The following RPAP2 variants were observed in gnomAD, a reference collection of about 807,000 sequenced individuals.
RPAP2 encodes RNA polymerase II associated protein 2.
A neutral mutation model predicts 73.1 loss-of-function variants in RPAP2; 52 were observed. The observed-to-expected ratio is 0.71, with a 90% confidence interval of 0.57 to 0.90. The LOEUF is 0.90. Among genes scored for constraint, RPAP2 ranks in the 40% least tolerant of loss-of-function variants. The pLI, the probability that RPAP2 is intolerant of heterozygous loss-of-function variation, is 0.00. For synonymous variants in RPAP2, 225 were observed against 242.1 expected (o/e 0.93, Z 0.65); for missense variants, 598 against 701.8 (o/e 0.85, Z 1.67).
rs1490777895 is a variant in RPAP2 at position 92,397,669 on chromosome 1, A to G, written c.*10658A>G. ...ACTGAAGCAGAATTCAGTTCAAAGTACTGTGCTGGATTTTGGTTTCTAAAT... is the reference window on the plus strand; with the variant it reads ...ACTGAAGCAGAATTCAGTTCAAAGTGCTGTGCTGGATTTTGGTTTCTAAAT... On this transcript the variant is annotated 3_prime_UTR_variant, in exon 13 of 13. Transcript: ENST00000610020. The G allele has an allele frequency of 6.6e-6, 1 of 152,264 alleles. No individual in the cohort carries two copies. The highest frequency in any genetic ancestry group is 1.5e-5 in the Non-Finnish European group (1 of 68,060). The allele number at this position is 152,264 out of a possible 1,614,324, so 9.4% of individuals were successfully genotyped here.
chr1:92,386,757 A>G (rs1299909304), intron 12 of RPAP2, among the ~76,000 whole-genome samples: 1 of 151,970 alleles, frequency 6.6e-6, no homozygotes, highest in African/African-American at 2.4e-5. Flanking sequence ...CTGGAGTGCA[A>G]TGGTGCAATC....
chr1:92,300,420 C>A (rs531498486), intron 2 of RPAP2, among the ~76,000 whole-genome samples, 181 bp downstream of exon 2: 2 of 152,148 alleles, frequency 1.3e-5, no homozygotes, highest in Middle Eastern at 3.4e-3. Context: ...CTACTCCAGG[C>A]TTTAAGAAAA....
intron 5 of RPAP2, among the ~76,000 whole-genome samples, chr1:92,306,572 A>G (rs1320555229): frequency 6.6e-6 from 1 of 152,200 alleles, no homozygotes; most frequent in East Asian, 1.9e-4. Context: ...ATTTTAAACA[A>G]AAGAAGTGGC....
intron 8 of RPAP2, among the ~76,000 whole-genome samples, chr1:92,329,305 A>G (rs1002209774): frequency 6.6e-6 from 1 of 152,074 alleles, no homozygotes; most frequent in African/African-American, 2.4e-5. Context: ...TCCCAGGCCA[A>G]TGGAGTTATG....
At chr1:92,308,406 TTAA>T (rs1250769189) in intron 6 of RPAP2, among the ~76,000 whole-genome samples, 3 of 152,234 alleles carry the variant, frequency 2.0e-5, no homozygotes, top group African/African-American at 7.2e-5. Flanking sequence ...TTCTCCTTTC[TTAA>T]TATTTCTGTC....
intron 12 of RPAP2, among the ~76,000 whole-genome samples, chr1:92,385,799 T>C (rs1335634215): frequency 1.3e-5 from 2 of 152,242 alleles, no homozygotes; most frequent in Admixed American, 6.5e-5. Flanking sequence ...ACATTTTTTA[T>C]GTCACAGTTT....
chr1:92,365,077 C>T (rs906192611), intron 11 of RPAP2, among the ~76,000 whole-genome samples: 1 of 152,178 alleles, frequency 6.6e-6, no homozygotes, highest in Non-Finnish European at 1.5e-5. Context: ...CTTTTCATAT[C>T]TGCCTATTCT....
At chr1:92,327,683 T>C (rs1236711311) in intron 8 of RPAP2, among the ~76,000 whole-genome samples, 2 of 152,140 alleles carry the variant, frequency 1.3e-5, no homozygotes, top group Non-Finnish European at 2.9e-5. Flanking sequence ...GAGGTACTAT[T>C]CTATTCATCG....
rs537965348 is a variant in RPAP2, at chr1:92,401,634, C to T, written c.*14623C>T. On this transcript the variant is annotated 3_prime_UTR_variant, in exon 13 of 13. Transcript: ENST00000610020. ...TTTAGAGGGAAAGTACTCAGTCTTT[C>T]GCCATTAAGTACAATGTCAGCTGTA... The T allele has an allele frequency of 5.3e-5, 8 of 152,316 alleles. No homozygotes were observed. The highest frequency in any genetic ancestry group is 1.7e-4 in the African/African-American group (7 of 41,568). The allele number at this position is 152,316 out of a possible 1,614,324, so 9.4% of individuals were successfully genotyped here. A position where few individuals can be genotyped will look rare whatever the true frequency, so the allele number is the denominator to read the frequency against.
At chr1:92,316,392 T>C (rs968546436) in intron 6 of RPAP2, among the ~76,000 whole-genome samples, 2 of 152,172 alleles carry the variant, frequency 1.3e-5, no homozygotes, top group African/African-American at 4.8e-5. Context: ...TTTGAAAAGT[T>C]CTCACCATAC....
chr1:92,342,391 A>G (rs932300943), intron 10 of RPAP2, among the ~76,000 whole-genome samples: 2 of 152,216 alleles, frequency 1.3e-5, no homozygotes, highest in African/African-American at 4.8e-5. Context: ...AGGCAAGAGT[A>G]GAGAGATATG....
chr1:92,373,281 CAAGCCTCTAAAG>C (rs1655228036), intron 11 of RPAP2, among the ~76,000 whole-genome samples: 1 of 152,106 alleles, frequency 6.6e-6, no homozygotes, highest in South Asian at 2.1e-4. Context: ...TATCCCCAAG[CAAGCCTCTAAAG>C]AAGCCTCTAA....
chr1:92,321,445 G>A (rs1652253908), intron 7 of RPAP2, among the ~76,000 whole-genome samples: 1 of 151,702 alleles, frequency 6.6e-6, no homozygotes, highest in African/African-American at 2.4e-5. Flanking sequence ...TCCCATCCAT[G>A]ACCTTGCTTT....
chr1:92,299,080 G>A lies in RPAP2; in HGVS notation c.7G>A (p.Asp3Asn), dbSNP rs1241810738. MA[D>N]FAGPSSAGRK... ...CGGCAGACTACTCTCCCCCATGGCG[G>A]ACTTCGCTGGGCCGTCTTCTGCCGG... The change falls in exon 1 of 13, where the codon GAC becomes AAC. Residue 3 changes from aspartate to asparagine, a missense_variant. By Grantham distance (23) the Asp-to-Asn change is conservative (BLOSUM62 1). This residue lies in a region of RPAP2 where 77 missense variants were observed against 55.7 expected (regional missense o/e 1.38). Transcript: ENST00000610020. 26 of 1,508,448 alleles carry A rather than the reference G, an allele frequency of 1.7e-5. No individual in the cohort carries two copies. Among genetic ancestry groups the A allele is most frequent in the Non-Finnish European group, 2.3e-5 (26 of 1,124,106 alleles). The allele number at this position is 1,508,448 out of a possible 1,614,324, so 93.4% of individuals were successfully genotyped here.
At chr1:92,340,666 T>C (rs1430654748) in intron 10 of RPAP2, among the ~76,000 whole-genome samples, 1 of 152,210 alleles carries the variant, frequency 6.6e-6, no homozygotes, top group Non-Finnish European at 1.5e-5. Context: ...TAGATAATTC[T>C]AATAGGTAGC....
chr1:92,381,212 C>A (rs575203534), intron 12 of RPAP2, among the ~76,000 whole-genome samples: 1 of 152,300 alleles, frequency 6.6e-6, no homozygotes, highest in South Asian at 2.1e-4. Flanking sequence ...CAGTTTACTT[C>A]AACTCGGCTA....
rs1656127151 is a variant in RPAP2, at chr1:92,394,275, A to G, written c.*7264A>G. 1.3e-5 allele frequency: 2 copies of G among 152,124 alleles called. No homozygotes were observed. The highest frequency in any genetic ancestry group is 4.8e-5 in the African/African-American group (2 of 41,418). 9.4% of individuals were successfully genotyped at this position (152,124 alleles called of 1,614,324 possible). ...CTCACTCATAAGTGGGAGTTAAACA[A>G]TGAGAACACATGGACACAGGGAGGG... On this transcript the variant is annotated 3_prime_UTR_variant, in exon 13 of 13. Transcript: ENST00000610020.
In RPAP2 at chr1:92,333,393, T is replaced by G. The variant is rs150942955; in HGVS notation, c.1458T>G (p.His486Gln). Residue 486 changes from histidine (H) to glutamine (Q), a missense_variant and splice_region_variant, in exon 9 of 13, where the codon CAT (histidine) becomes CAG (glutamine). Around this residue, in one of 3 missense-constraint regions of RPAP2, gnomAD observed 506 missense variants for 612.8 expected, o/e 0.83. Coordinates refer to ENST00000610020, the MANE Select transcript of RPAP2 (RefSeq NM_024813.3). ...CTTTGTTTAAAAATGTGATTCAGCA[T>G]GATTCCACCTTTCCACTGATAGACT... The part of the protein sequence containing the change: ...ETTKSQDSEE[H>Q]DSTFPLIDSS... The G allele has an allele frequency of 1.4e-5, 23 of 1,611,788 alleles. No homozygotes were observed. The African/African-American group carries it at 2.7e-4, about 19-fold the overall frequency.
intron 11 of RPAP2, among the ~76,000 whole-genome samples, chr1:92,365,618 T>C (rs563508987): frequency 6.6e-6 from 1 of 152,310 alleles, no homozygotes; most frequent in African/African-American, 2.4e-5. Flanking sequence ...TACTTAACCT[T>C]TTTTCTAAAA....
Sources: gnomAD v4.1 joint callset for allele counts (sites outside exome capture counted in the v4.1 genomes callset) on GRCh38, gnomAD v4.1.1 for gene constraint, gnomAD v4.1.1 regional missense constraint, MANE v1.5 for transcripts, NCBI Gene and HGNC (gene_info 2026-07-23, HGNC 2026-07-21) for gene names.